Variants in BEND4 observed in about 807,000 individuals in gnomAD.
BEND4 encodes BEN domain-containing protein 4.
A neutral mutation model predicts 54.7 loss-of-function variants in BEND4; 27 were observed. That is an observed-to-expected ratio of 0.49 (90% confidence interval 0.36 to 0.68). The LOEUF (loss-of-function observed/expected upper bound fraction) is 0.68, where lower values mean the gene tolerates loss of function less well. Ranked by LOEUF, BEND4 falls within the 30% of genes least tolerant of loss-of-function variation. BEND4 has a pLI of 0.00. For missense variants in BEND4, 702 were observed against 697.2 expected (o/e 1.01, Z -0.08); for synonymous variants, 327 against 299.5 (o/e 1.09, Z -0.95).
At chr4:42,137,817 A>C (rs1462701627) in intron 3 of BEND4, among the ~76,000 whole-genome samples, 1 of 152,214 alleles carries the variant, frequency 6.6e-6, no homozygotes, top group African/African-American at 2.4e-5. Flanking sequence ...ACTTCTCCAA[A>C]GAATACCAAC....
At chr4:42,117,801 A>G (rs1719905216) in intron 5 of BEND4, 66 bp from the exon 6 acceptor site, 2 of 1,112,868 alleles carry the variant, frequency 1.8e-6, no homozygotes, top group Non-Finnish European at 2.6e-6. Context: ...GCAGAAGATG[A>G]CAGGGCAGGC....
chr4:42,142,135 G>A (rs1720909988), intron 3 of BEND4, among the ~76,000 whole-genome samples: 1 of 151,576 alleles, frequency 6.6e-6, no homozygotes, highest in African/African-American at 2.4e-5. Flanking sequence ...TCGATCACCT[G>A]ACCTTGTGAT....
At chr4:42,151,423 G>C (rs761884299) in intron 2 of BEND4, 2 of 346,220 alleles carry the variant, frequency 5.8e-6, no homozygotes, top group Non-Finnish European at 1.0e-5. Context: ...TTCCCGGCGC[G>C]GGATCCAAGC....
Position 42,143,448 on chromosome 4 carries a change from C to T in BEND4, c.1034G>A (p.Arg345Lys). 1 of 1,551,992 alleles carries T rather than the reference C, an allele frequency of 6.4e-7. No individual in the cohort carries two copies. Among genetic ancestry groups the T allele is most frequent in the Non-Finnish European group, 8.7e-7 (1 of 1,147,060 alleles). Reference sequence around the variant, plus strand: ...GATACCTGGGATGCTCTCTAATTTCCTTCTGAGCTCTTCATTTTCTTGTTG... The same window carrying T: ...GATACCTGGGATGCTCTCTAATTTCTTTCTGAGCTCTTCATTTTCTTGTTG... ...SLQQENEELRRKLESIPVPCQ... is the reference protein window; with the variant it reads ...SLQQENEELRKKLESIPVPCQ... The change falls in exon 3 of 6, where the codon AGG (arginine) becomes AAG (lysine). Residue 345 changes from arginine to lysine, a missense_variant. Coordinates refer to ENST00000502486, the MANE Select transcript of BEND4 (RefSeq NM_207406.4).
intron 3 of BEND4, among the ~76,000 whole-genome samples, chr4:42,139,143 G>A (rs1560581769): frequency 6.6e-6 from 1 of 152,064 alleles, no homozygotes. Context: ...TGATCCAAAA[G>A]TCTTCTGCTT....
rs1215473301 is a variant in BEND4 at position 42,114,784 on chromosome 4, A to AGACCAT, written c.*2728_*2733dup. 16 of 151,372 alleles carry AGACCAT rather than the reference A, an allele frequency of 1.1e-4. No individual in the cohort carries two copies. The highest frequency in any genetic ancestry group is 6.6e-5 in the Admixed American group (1 of 15,208). The allele number at this position is 151,372 out of a possible 1,614,324, so 9.4% of individuals were successfully genotyped here. A position where few individuals can be genotyped will look rare whatever the true frequency, so the allele number is the denominator to read the frequency against. ...TGTTGGTCCTGATTTAAACAAGAGG[A>AGACCAT]GACCATGCAGACGACCACCGTGAAC... On this transcript the variant is annotated 3_prime_UTR_variant, in exon 6 of 6. Coordinates refer to ENST00000502486, the MANE Select transcript of BEND4 (RefSeq NM_207406.4).
chr4:42,152,274 G>C lies in BEND4; in HGVS notation c.-131C>G. 1.0e-6 allele frequency: 1 copy of C among 970,790 alleles called. No homozygotes were observed. The highest frequency in any genetic ancestry group is 1.3e-6 in the Non-Finnish European group (1 of 755,960). The allele number at this position is 970,790 out of a possible 1,614,324, so 60.1% of individuals were successfully genotyped here. A position where few individuals can be genotyped will look rare whatever the true frequency, so the allele number is the denominator to read the frequency against. On this transcript the variant is annotated 5_prime_UTR_variant, in exon 2 of 6. Transcript: ENST00000502486. ...GTGTGGGAGGGTGTGTGTCTGTGCC[G>C]TGGCCGCCGCCGCCGCCGCCTGTCG...
chr4:42,151,673 G>A lies in BEND4; in HGVS notation c.471C>T (p.Ser157=), dbSNP rs1178524159. 6 of 1,504,094 alleles carry A rather than the reference G, an allele frequency of 4.0e-6. No homozygotes were observed. Among genetic ancestry groups the A allele is most frequent in the African/African-American group, 1.5e-5 (1 of 68,258 alleles). The allele number at this position is 1,504,094 out of a possible 1,614,324, so 93.2% of individuals were successfully genotyped here. A position where few individuals can be genotyped will look rare whatever the true frequency, so the allele number is the denominator to read the frequency against. The change falls in exon 2 of 6, where the codon AGC becomes AGT. Residue 157 remains serine (S), a synonymous_variant. Transcript: ENST00000502486. ...AGTTGGTACCTGCGCTGAGCTCCAG[G>A]CTGGCGCTGTCGCTACCCGTGCCGC... ...GTGGTGSDSA[S]LELSAESRMI... is the part of the protein sequence containing the mutation.
Position 42,120,109 on chromosome 4 carries a change from T to A in BEND4, c.1332A>T (p.Gly444=), listed in dbSNP as rs1357023309. Residue 444 remains glycine (G), a synonymous_variant, in exon 5 of 6, where the codon GGA becomes GGT. Coordinates refer to ENST00000502486, the MANE Select transcript of BEND4 (RefSeq NM_207406.4). Reference sequence around the variant, plus strand: ...GAGGGCGTCTTTCGGGACCTGTCTCTCCTGACTGCACTGACCTTTTCCTTT... The same window carrying A: ...GAGGGCGTCTTTCGGGACCTGTCTCACCTGACTGCACTGACCTTTTCCTTT... The part of the protein sequence containing the change: ...LGKRKRSVQS[G]ETGPERRPLD... 1 of 1,613,880 alleles carries A rather than the reference T, an allele frequency of 6.2e-7. No homozygotes were observed. The highest frequency in any genetic ancestry group is 8.5e-7 in the Non-Finnish European group (1 of 1,179,874).
intron 3 of BEND4, among the ~76,000 whole-genome samples, chr4:42,142,485 T>C (rs1720923374): frequency 6.7e-6 from 1 of 149,672 alleles, no homozygotes; most frequent in African/African-American, 2.4e-5. Flanking sequence ...ATATATAAAC[T>C]TGCCAGGCGT....
intron 5 of BEND4, among the ~76,000 whole-genome samples, chr4:42,119,668 G>A (rs141666316): frequency 5.9e-5 from 9 of 152,100 alleles, no homozygotes; most frequent in African/African-American, 2.2e-4. Context: ...GGTATTAGAA[G>A]GGGACACAAA....
chr4:42,147,789 A>G (rs1721129401), intron 2 of BEND4, among the ~76,000 whole-genome samples: 1 of 152,108 alleles, frequency 6.6e-6, no homozygotes, highest in Non-Finnish European at 1.5e-5. Flanking sequence ...AATTCGTCTG[A>G]ATTTAAGAGG....
chr4:42,151,322 C>G, intron 2 of BEND4: 1 of 206,946 alleles, frequency 4.8e-6, no homozygotes. Flanking sequence ...CAGCTTCTTC[C>G]CGAGCGGCCG....
intron 2 of BEND4, among the ~76,000 whole-genome samples, chr4:42,148,367 T>C (rs1721150489): frequency 2.0e-5 from 3 of 152,314 alleles, no homozygotes; most frequent in East Asian, 3.9e-4. Flanking sequence ...TGAGTTAATA[T>C]ACTCGGTGCT....
chr4:42,136,817 G>A (rs1463082865), intron 3 of BEND4, among the ~76,000 whole-genome samples: 2 of 152,138 alleles, frequency 1.3e-5, no homozygotes, highest in African/African-American at 2.4e-5. Flanking sequence ...CGCCTCATTC[G>A]GGCATGAGTT....
rs774629426 is a variant in BEND4, at chr4:42,152,276, G to GGCCGCC, written c.-139_-134dup. The GGCCGCC allele has an allele frequency of 1.8e-5, 17 of 924,880 alleles. No homozygotes were observed. The highest frequency in any genetic ancestry group is 1.6e-4 in the African/African-American group (9 of 57,808). 57.3% of individuals were successfully genotyped at this position (924,880 alleles called of 1,614,324 possible). On this transcript the variant is annotated 5_prime_UTR_variant, in exon 2 of 6. Coordinates refer to ENST00000502486, the MANE Select transcript of BEND4 (RefSeq NM_207406.4). ...GTGGGAGGGTGTGTGTCTGTGCCGT[G>GGCCGCC]GCCGCCGCCGCCGCCGCCTGTCGCT...
Position 42,152,633 on chromosome 4 carries a change from G to C in BEND4, c.-335C>G, listed in dbSNP as rs1260307379. ...GTGGACTCGAGGCTTCTGCGGCTGC[G>C]GGCGGGGTCCGGCTTCCGAAACGAG... On this transcript the variant is annotated 5_prime_UTR_variant, in exon 1 of 6. Transcript: ENST00000502486. 2 of 154,292 alleles carry C rather than the reference G, an allele frequency of 1.3e-5. No homozygotes were observed. The highest frequency in any genetic ancestry group is 2.4e-5 in the African/African-American group (1 of 41,458). The allele number at this position is 154,292 out of a possible 1,614,324, so 9.6% of individuals were successfully genotyped here.
At position 42,113,304 on chromosome 4, in the gene BEND4, G is replaced by A. The variant is rs930932737; in HGVS notation, c.*4214C>T. On this transcript the variant is annotated 3_prime_UTR_variant, in exon 6 of 6. Transcript: ENST00000502486. ...TCCTAAAATTGAAGCTATTATCCATGGATGACATTTCAAAAAAATAATTGA... is the reference window on the plus strand; with the variant it reads ...TCCTAAAATTGAAGCTATTATCCATAGATGACATTTCAAAAAAATAATTGA... 4 of 152,156 alleles carry A rather than the reference G, an allele frequency of 2.6e-5. No homozygotes were observed. Among genetic ancestry groups the A allele is most frequent in the Admixed American group, 1.3e-4 (2 of 15,272 alleles). 9.4% of individuals were successfully genotyped at this position (152,156 alleles called of 1,614,324 possible).
intron 3 of BEND4, among the ~76,000 whole-genome samples, chr4:42,134,711 G>A (rs987481392): frequency 7.9e-5 from 12 of 152,184 alleles, no homozygotes; most frequent in African/African-American, 2.7e-4. Context: ...GCTTGCTTGC[G>A]AACTGTGGGA....
Sources: allele counts gnomAD v4.1 joint callset (sites outside exome capture counted in the v4.1 genomes callset), GRCh38; gene constraint gnomAD v4.1.1; transcripts MANE v1.5; gene names NCBI Gene and HGNC (gene_info 2026-07-23, HGNC 2026-07-21).